The following HELLS variants were observed in gnomAD, a reference collection of about 807,000 sequenced individuals.
The protein encoded by HELLS is helicase, lymphoid specific, also known as lymphoid-specific helicase.
In HELLS, 32 loss-of-function variants were observed where a neutral mutation model predicts 120.0. That is an observed-to-expected ratio of 0.27 (90% CI 0.20 to 0.36). The LOEUF (loss-of-function observed/expected upper bound fraction) is 0.36, where lower values mean the gene tolerates loss of function less well. HELLS is among the 10% of genes least tolerant of loss of function. HELLS has a pLI of 1.00. For missense variants in HELLS, 650 were observed against 993.4 expected (o/e 0.65, Z 4.65); for synonymous variants, 341 against 323.4 (o/e 1.05, Z -0.58).
intron 2 of HELLS, among the ~76,000 whole-genome samples, chr10:94,552,223 A>G (rs1843015205): frequency 6.6e-6 from 1 of 150,670 alleles, no homozygotes; most frequent in African/African-American, 2.4e-5. Flanking sequence ...AAAATCTGCC[A>G]CTAGACTTTT....
At chr10:94,572,555 T>TA (rs1172151493) in intron 7 of HELLS, among the ~76,000 whole-genome samples, 1 of 152,222 alleles carries the variant, frequency 6.6e-6, no homozygotes, top group Non-Finnish European at 1.5e-5. Flanking sequence ...GAATGAATGT[T>TA]ACAATTTTCT....
chr10:94,589,247 C>T lies in HELLS; in HGVS notation c.1488+857C>T, dbSNP rs574666404. 1.7e-4 allele frequency among the ~76,000 whole-genome samples: 26 copies of T among 152,354 alleles called. No individual in the cohort carries two copies. The South Asian group carries it at 5.0e-3, about 29-fold the overall frequency. Reference sequence around the variant, plus strand: ...TGGAAATGCATTTTTAACAAGCACACAGGTAGGTATTTGAGAATCCCTGTA... The same window carrying T: ...TGGAAATGCATTTTTAACAAGCACATAGGTAGGTATTTGAGAATCCCTGTA... On this transcript the variant is annotated intron_variant, in intron 13 of 21. Coordinates refer to ENST00000348459, the MANE Select transcript of HELLS (RefSeq NM_018063.5).
At chr10:94,562,939 A>G (rs981460179) in intron 6 of HELLS, 63 bp downstream of exon 6, 37 of 919,088 alleles carry the variant, frequency 4.0e-5, no homozygotes, top group Non-Finnish European at 5.7e-5. Flanking sequence ...GTTTTAAACC[A>G]CCTTAAATCT....
chr10:94,568,565 T>C (rs901698662), intron 6 of HELLS, among the ~76,000 whole-genome samples: 1 of 152,190 alleles, frequency 6.6e-6, no homozygotes, highest in Non-Finnish European at 1.5e-5. Flanking sequence ...ATTTTTATAA[T>C]CCTAGTCTAG....
chr10:94,559,133 CCAATACAT>C (rs1843421809), intron 4 of HELLS, among the ~76,000 whole-genome samples: 2 of 152,152 alleles, frequency 1.3e-5, no homozygotes, highest in African/African-American at 4.8e-5. Flanking sequence ...TTTTAGTCCT[CCAATACAT>C]ATGTTCCAAG....
downstream of HELLS, among the ~76,000 whole-genome samples, chr10:94,603,094 C>G (rs919728443): frequency 6.6e-6 from 1 of 152,200 alleles, no homozygotes; most frequent in African/African-American, 2.4e-5. Flanking sequence ...CCATCTGTCC[C>G]CATCTGCCCT....
Position 94,601,595 on chromosome 10 carries a change from A to G in HELLS, c.2490A>G (p.Glu830=). The G allele has an allele frequency of 6.3e-7, 1 of 1,580,208 alleles. No individual in the cohort carries two copies. The highest frequency in any genetic ancestry group is 2.3e-5 in the East Asian group (1 of 44,438). The part of the protein sequence containing the change: ...MGIFKILENS[E]DSSPECLF ...TATTCAAGATATTAGAAAATTCTGA[A>G]GATTCCAGTCCTGAATGTTTGTTTT... The change falls in exon 22 of 22, where the codon GAA becomes GAG. Residue 830 remains glutamate, a synonymous_variant. Transcript: ENST00000348459.
chr10:94,568,580 C>G (rs1050790165), intron 6 of HELLS, among the ~76,000 whole-genome samples: 1 of 152,082 alleles, frequency 6.6e-6, no homozygotes, highest in Non-Finnish European at 1.5e-5. Context: ...GTCTAGCTCT[C>G]ATTGTCAAGA....
downstream of HELLS, among the ~76,000 whole-genome samples, chr10:94,603,662 C>T (rs1264673373): frequency 6.6e-6 from 1 of 152,170 alleles, no homozygotes; most frequent in Non-Finnish European, 1.5e-5. Context: ...TACTTTTCAT[C>T]TTGTTTAATC....
At chr10:94,594,299 C>T (rs1845640169) in intron 18 of HELLS, among the ~76,000 whole-genome samples, 1 of 152,060 alleles carries the variant, frequency 6.6e-6, no homozygotes, top group Non-Finnish European at 1.5e-5. Flanking sequence ...AAGTGATCCT[C>T]CCACCTCATT....
At chr10:94,599,131 T>C (rs1845898925) in intron 21 of HELLS, among the ~76,000 whole-genome samples, 1 of 152,216 alleles carries the variant, frequency 6.6e-6, no homozygotes. Flanking sequence ...CTGGATTATT[T>C]GCATGTTTAT....
intron 6 of HELLS, among the ~76,000 whole-genome samples, chr10:94,566,742 G>A (rs1843818451): frequency 6.6e-6 from 1 of 151,490 alleles, no homozygotes; most frequent in Admixed American, 6.6e-5. Flanking sequence ...CCGTCTCCCA[G>A]TTCAAGCAAT....
chr10:94,570,281 G>A (rs1161027523), intron 6 of HELLS: 7 of 151,756 alleles, frequency 4.6e-5, no homozygotes, highest in Admixed American at 4.6e-4. Context: ...ATACTTCATT[G>A]GTGGTATTTA....
At position 94,568,481 on chromosome 10, in the gene HELLS, G is replaced by A. The variant is rs914802641; in HGVS notation, c.436-2907G>A. Among the ~76,000 whole-genome samples, 14 of 152,008 alleles carry A rather than the reference G, an allele frequency of 9.2e-5. 1 individual carries two copies. Among genetic ancestry groups the A allele is most frequent in the African/African-American group, 3.4e-4 (14 of 41,388 alleles). ...TATATCTAGATTTTTATCGATTTCT[G>A]TGAGTCATTTCATTTGCTGCTACTC... On this transcript the variant is annotated intron_variant, in intron 6 of 21. Coordinates refer to ENST00000348459, the MANE Select transcript of HELLS (RefSeq NM_018063.5).
rs1407812300 is a variant in HELLS at position 94,582,985 on chromosome 10, A to G, written c.1252A>G (p.Thr418Ala). The change falls in exon 12 of 22, where the codon ACT becomes GCT. Residue 418 changes from threonine (T) to alanine (A), a missense_variant. By Grantham distance (58) the Thr-to-Ala change is moderately conservative. Around this residue, in one of 9 missense-constraint regions of HELLS, gnomAD observed 48 missense variants for 127.0 expected, o/e 0.38. Coordinates refer to ENST00000348459, the MANE Select transcript of HELLS (RefSeq NM_018063.5). ...LKSFESWFDI[T>A]SLSETAEDII... The stretch of plus-strand genomic sequence containing the variant: ...CAGCTTTGAGTCTTGGTTTGACATC[A>G]CTAGTCTTTCTGAAACTGCTGAAGA... The G allele has an allele frequency of 1.9e-6, 3 of 1,603,116 alleles. No homozygotes were observed. The highest frequency in any genetic ancestry group is 2.6e-6 in the Non-Finnish European group (3 of 1,173,984).
chr10:94,549,911 GATTTTT>G (rs957489527), intron 2 of HELLS, among the ~76,000 whole-genome samples: 17 of 152,022 alleles, frequency 1.1e-4, no homozygotes, highest in South Asian at 2.1e-4. Flanking sequence ...AAGCTTTAGT[GATTTTT>G]ATTTTTATTT....
At chr10:94,545,976 C>T (rs1156342331) in intron 1 of HELLS, 24 bp downstream of exon 1, 1 of 1,553,894 alleles carries the variant, frequency 6.4e-7, no homozygotes, top group Non-Finnish European at 8.7e-7. Flanking sequence ...ACCTTTTGGG[C>T]GCGGGTGGCA....
chr10:94,595,919 G>A (rs1175104864), intron 19 of HELLS, among the ~76,000 whole-genome samples: 1 of 152,162 alleles, frequency 6.6e-6, no homozygotes, highest in East Asian at 1.9e-4. Context: ...AGGTAAGAGT[G>A]TATTAAGGTT....
exon 10 of HELLS, chr10:94,610,371 A>C (rs1846178626): frequency 6.6e-6 from 1 of 151,908 alleles, no homozygotes; most frequent in South Asian, 2.1e-4. Context: ...CTAGTGGATC[A>C]TGTGGCCGAG....
Sources: gnomAD v4.1 joint callset for allele counts (sites outside exome capture counted in the v4.1 genomes callset) on GRCh38, gnomAD v4.1.1 for gene constraint, gnomAD v4.1.1 regional missense constraint, MANE v1.5 for transcripts, NCBI Gene and HGNC (gene_info 2026-07-23, HGNC 2026-07-21) for gene names.